Variants in IQCM observed in about 807,000 individuals in gnomAD.
IQCM encodes the protein IQ domain-containing protein M.
A neutral mutation model predicts 57.6 loss-of-function variants in IQCM; 45 were observed. The ratio of observed to expected loss-of-function variants is 0.78; its 90% CI spans 0.62 to 1.00. The LOEUF (loss-of-function observed/expected upper bound fraction) is 1.00, where lower values mean the gene tolerates loss of function less well. IQCM is among the 50% of genes least tolerant of loss of function. The pLI is 0.00. For synonymous variants in IQCM, 148 were observed against 158.9 expected (o/e 0.93, Z 0.51); for missense variants, 468 against 511.6 (o/e 0.91, Z 0.82).
intron 13 of IQCM, among the ~76,000 whole-genome samples, chr4:149,381,666 A>G (rs142629516): frequency 5.7e-4 from 86 of 152,188 alleles, no homozygotes; most frequent in Middle Eastern, 3.4e-3. Flanking sequence ...CATTTAAACT[A>G]AAGTATCACC....
At chr4:149,750,883 T>G (rs1340206540) in intron 2 of IQCM, among the ~76,000 whole-genome samples, 3 of 152,232 alleles carry the variant, frequency 2.0e-5, no homozygotes, top group African/African-American at 7.2e-5. Flanking sequence ...AATAGAATTA[T>G]GCTGTGCTTA....
chr4:149,793,364 C>T (rs1772816315), intron 2 of IQCM, among the ~76,000 whole-genome samples: 1 of 152,034 alleles, frequency 6.6e-6, no homozygotes, highest in Admixed American at 6.6e-5. Context: ...TTTTAGGCAC[C>T]TCATTTTCCA....
At chr4:149,424,600 T>C (rs531071501) in intron 13 of IQCM, among the ~76,000 whole-genome samples, 1 of 151,974 alleles carries the variant, frequency 6.6e-6, no homozygotes, top group South Asian at 2.1e-4. Flanking sequence ...TAACTCATTT[T>C]ATGTAACTAT....
chr4:149,723,878 T>C (rs1023774705), intron 5 of IQCM, among the ~76,000 whole-genome samples: 1 of 151,940 alleles, frequency 6.6e-6, no homozygotes. Context: ...AATTCTACTT[T>C]GGATGTCTGG....
intron 7 of IQCM, among the ~76,000 whole-genome samples, chr4:149,649,901 G>A (rs900662912): frequency 8.5e-5 from 13 of 152,172 alleles, no homozygotes; most frequent in East Asian, 3.9e-4. Context: ...GGAAATCCAC[G>A]TCTCAATGGT....
Position 149,547,465 on chromosome 4 carries a change from A to G in IQCM, c.1228+990T>C, listed in dbSNP as rs188015579. On this transcript the variant is annotated intron_variant, in intron 12 of 13. Coordinates refer to ENST00000636793, the MANE Select transcript of IQCM (RefSeq NM_001363507.2). ...AGTTGATATAAAAGCATAGAGTTGGATGGCAGTTGCCAGGGCTGAGGGTTG... is the reference window on the plus strand; with the variant it reads ...AGTTGATATAAAAGCATAGAGTTGGGTGGCAGTTGCCAGGGCTGAGGGTTG... 1.5e-3 allele frequency among the ~76,000 whole-genome samples: 235 copies of G among 152,304 alleles called. 1 individual carries two copies. The highest frequency in any genetic ancestry group is 5.5e-3 in the African/African-American group (228 of 41,576).
At chr4:149,757,471 G>T (rs191093160) in intron 2 of IQCM, among the ~76,000 whole-genome samples, 1 of 152,020 alleles carries the variant, frequency 6.6e-6, no homozygotes, top group Non-Finnish European at 1.5e-5. Flanking sequence ...AAAGAACATA[G>T]AAAGGGTGAA....
intron 13 of IQCM, among the ~76,000 whole-genome samples, chr4:149,370,691 A>G (rs1431702864): frequency 6.6e-6 from 1 of 152,058 alleles, no homozygotes; most frequent in Non-Finnish European, 1.5e-5. Context: ...TGAACTGACC[A>G]CCAAGTTGTT....
chr4:149,645,388 T>C (rs1012280329), intron 7 of IQCM, among the ~76,000 whole-genome samples: 1 of 152,224 alleles, frequency 6.6e-6, no homozygotes, highest in Non-Finnish European at 1.5e-5. Flanking sequence ...CTGCAGAAGT[T>C]AAAAGATTCA....
intron 9 of IQCM, among the ~76,000 whole-genome samples, chr4:149,580,072 C>T (rs1441897400): frequency 2.0e-5 from 3 of 151,656 alleles, no homozygotes; most frequent in Non-Finnish European, 4.4e-5. Context: ...CAGGCCATTT[C>T]GATTCTACTA....
chr4:149,651,646 A>G (rs1314898315), intron 7 of IQCM, among the ~76,000 whole-genome samples: 2 of 152,210 alleles, frequency 1.3e-5, no homozygotes, highest in Non-Finnish European at 2.9e-5. Context: ...TGGAAAAGGT[A>G]TAAAAAGATA....
chr4:149,595,434 T>C (rs1214078664), intron 8 of IQCM, among the ~76,000 whole-genome samples: 2 of 152,154 alleles, frequency 1.3e-5, no homozygotes, highest in African/African-American at 4.8e-5. Context: ...TTTGTTTAAA[T>C]AGGTACTGTG....
chr4:149,765,133 A>C (rs1306039710), intron 2 of IQCM, among the ~76,000 whole-genome samples: 2 of 152,178 alleles, frequency 1.3e-5, no homozygotes, highest in East Asian at 1.9e-4. Flanking sequence ...TGAAAAATTT[A>C]GAATGTGACA....
intron 7 of IQCM, among the ~76,000 whole-genome samples, chr4:149,661,116 G>A (rs963857522): frequency 6.6e-6 from 1 of 152,066 alleles, no homozygotes; most frequent in African/African-American, 2.4e-5. Context: ...CCTTTATTGA[G>A]TTGAGGTACA....
intron 10 of IQCM, among the ~76,000 whole-genome samples, chr4:149,556,780 T>G (rs542959787): frequency 6.6e-6 from 1 of 152,282 alleles, no homozygotes; most frequent in South Asian, 2.1e-4. Context: ...ACTAAGAAAC[T>G]AGCGAAGACC....
chr4:149,734,188 G>T (rs966676471), intron 4 of IQCM, among the ~76,000 whole-genome samples: 4 of 152,086 alleles, frequency 2.6e-5, no homozygotes, highest in Non-Finnish European at 5.9e-5. Flanking sequence ...CAAAAAAAAG[G>T]TTTAGAAAAA....
chr4:149,690,437 G>A lies in IQCM; in HGVS notation c.386-3969C>T, dbSNP rs557225597. Among the ~76,000 whole-genome samples the A allele has an allele frequency of 4.9e-4, 74 of 151,878 alleles. 1 individual carries two copies. In the South Asian group the frequency reaches 0.015, roughly 32 times the overall value. ...GGGACTTGGGGGGAAAGGTGGGAGG[G>A]GGATGAGGGATAAAAGACTACAAAT... On this transcript the variant is annotated intron_variant, in intron 5 of 13. Coordinates refer to ENST00000636793, the MANE Select transcript of IQCM (RefSeq NM_001363507.2).
At chr4:149,399,764 A>G (rs976371246) in intron 13 of IQCM, among the ~76,000 whole-genome samples, 1 of 152,046 alleles carries the variant, frequency 6.6e-6, no homozygotes, top group Non-Finnish European at 1.5e-5. Context: ...CCTCATTTGT[A>G]AGACAGAAAT....
chr4:149,442,616 T>C (rs1736059949), intron 12 of IQCM, among the ~76,000 whole-genome samples: 1 of 152,036 alleles, frequency 6.6e-6, no homozygotes, highest in Non-Finnish European at 1.5e-5. Context: ...GCACCTCATT[T>C]CCTCTTGGGC....
Sources: allele counts gnomAD v4.1 joint callset (sites outside exome capture counted in the v4.1 genomes callset), GRCh38; gene constraint gnomAD v4.1.1; transcripts MANE v1.5; gene names NCBI Gene and HGNC (gene_info 2026-07-23, HGNC 2026-07-21).